RETREG1: variants seen among roughly 807,000 people sequenced by gnomAD.
The protein encoded by RETREG1 is reticulophagy regulator 1.
A neutral mutation model predicts 54.8 loss-of-function variants in RETREG1; 44 were observed. That is an observed-to-expected ratio of 0.80 (90% CI 0.63 to 1.03). RETREG1 has a LOEUF of 1.03. Among genes scored for constraint, RETREG1 ranks in the 50% least tolerant of loss-of-function variants. The pLI, the probability that RETREG1 is intolerant of heterozygous loss-of-function variation, is 0.00. For missense variants in RETREG1, 554 were observed against 605.1 expected, an observed-to-expected ratio of 0.92 and a Z score of 0.89; for synonymous variants, 217 against 238.5, an observed-to-expected ratio of 0.91 and a Z score of 0.83.
chr5:16,509,675 GATCTGCTTATTAAGAAACA>G (rs1309551584), intron 3 of RETREG1, among the ~76,000 whole-genome samples: 1 of 151,856 alleles, frequency 6.6e-6, no homozygotes, highest in Non-Finnish European at 1.5e-5. Flanking sequence ...CAGAAAGTAA[GATCTGCTTATTAAGAAACA>G]ATATTATTTT....
intron 3 of RETREG1, among the ~76,000 whole-genome samples, chr5:16,538,146 T>G (rs894248601): frequency 1.3e-5 from 2 of 152,106 alleles, no homozygotes; most frequent in African/African-American, 4.8e-5. Flanking sequence ...CTCCGAAATC[T>G]GACTCCCCAC....
At chr5:16,558,410 G>A (rs1287848488) in intron 3 of RETREG1, among the ~76,000 whole-genome samples, 1 of 152,196 alleles carries the variant, frequency 6.6e-6, no homozygotes, top group African/African-American at 2.4e-5. Flanking sequence ...TCAGCCTTCA[G>A]AACTATAAGC....
chr5:16,493,514 C>T (rs1244915949), intron 3 of RETREG1, among the ~76,000 whole-genome samples: 1 of 152,138 alleles, frequency 6.6e-6, no homozygotes, highest in Non-Finnish European at 1.5e-5. Context: ...CCCTGAAGGA[C>T]AGATAATATC....
In RETREG1 at chr5:16,555,995, G is replaced by A. The variant is rs115631823; in HGVS notation, c.458+9768C>T. 5.1e-3 allele frequency among the ~76,000 whole-genome samples: 782 copies of A among 152,016 alleles called. 8 individuals are homozygous for A. Among genetic ancestry groups the A allele is most frequent in the African/African-American group, 0.017 (718 of 41,480 alleles). ...TTCCATATTTATAAATGAACTTCACGCATTTCAAATCCATAATAACTCAGG... is the reference window on the plus strand; with the variant it reads ...TTCCATATTTATAAATGAACTTCACACATTTCAAATCCATAATAACTCAGG... On this transcript the variant is annotated intron_variant, in intron 3 of 8. Transcript: ENST00000306320.
chr5:16,551,106 A>G (rs1341438305), intron 3 of RETREG1, among the ~76,000 whole-genome samples: 2 of 148,174 alleles, frequency 1.3e-5, no homozygotes, highest in Non-Finnish European at 3.0e-5. Flanking sequence ...ATTTTTAAAA[A>G]TAACAACAAA....
chr5:16,478,389 T>C (rs779978710), intron 6 of RETREG1, among the ~76,000 whole-genome samples: 4 of 152,162 alleles, frequency 2.6e-5, no homozygotes, highest in Non-Finnish European at 4.4e-5. Context: ...ACCCTAGACC[T>C]ACTGAATCAG....
intron 3 of RETREG1, among the ~76,000 whole-genome samples, chr5:16,537,158 A>G (rs1335929961): frequency 6.6e-6 from 1 of 152,234 alleles, no homozygotes; most frequent in Admixed American, 6.5e-5. Flanking sequence ...CCCTGCACCA[A>G]GCACATAATA....
chr5:16,576,508 G>A (rs1350782114), intron 1 of RETREG1, among the ~76,000 whole-genome samples: 1 of 150,316 alleles, frequency 6.7e-6, no homozygotes, highest in African/African-American at 2.4e-5. Context: ...TTTTTGAGAC[G>A]GAGTTTCGCT....
At chr5:16,572,495 G>A (rs1742204323) in intron 1 of RETREG1, among the ~76,000 whole-genome samples, 2 of 152,194 alleles carry the variant, frequency 1.3e-5, no homozygotes, top group Non-Finnish European at 2.9e-5. Flanking sequence ...TTACAGGCGT[G>A]AGCCACTGTG....
At chr5:16,549,499 C>A (rs1741474284) in intron 3 of RETREG1, among the ~76,000 whole-genome samples, 1 of 152,134 alleles carries the variant, frequency 6.6e-6, no homozygotes, top group Non-Finnish European at 1.5e-5. Context: ...TTGGGATAGT[C>A]CTACTTTGAC....
At chr5:16,572,338 A>G (rs1316651600) in intron 1 of RETREG1, among the ~76,000 whole-genome samples, 1 of 151,674 alleles carries the variant, frequency 6.6e-6, no homozygotes, top group East Asian at 1.9e-4. Flanking sequence ...TCAGCTTCGC[A>G]AGTAGCTGGG....
chr5:16,539,005 A>T (rs1174074364), intron 3 of RETREG1, among the ~76,000 whole-genome samples: 1 of 152,354 alleles, frequency 6.6e-6, no homozygotes, highest in Non-Finnish European at 1.5e-5. Flanking sequence ...AATAAAACTG[A>T]GGCTAGGCTG....
chr5:16,541,899 G>A (rs1406523876), intron 3 of RETREG1, among the ~76,000 whole-genome samples: 3 of 152,050 alleles, frequency 2.0e-5, no homozygotes, highest in Non-Finnish European at 4.4e-5. Context: ...CTAAACAAGA[G>A]GTTTTAGTCT....
At chr5:16,540,925 C>T (rs528126945) in intron 3 of RETREG1, among the ~76,000 whole-genome samples, 33 of 152,078 alleles carry the variant, frequency 2.2e-4, no homozygotes, top group Non-Finnish European at 4.1e-4. Context: ...GCCAAGTAGA[C>T]GGGGAAAAGC....
chr5:16,516,248 T>A (rs1740352240), intron 3 of RETREG1, among the ~76,000 whole-genome samples: 1 of 152,178 alleles, frequency 6.6e-6, no homozygotes, highest in Admixed American at 6.5e-5. Context: ...AAAGACCCCT[T>A]CGAGGTAGAG....
At chr5:16,576,675 G>A (rs1313487432) in intron 1 of RETREG1, among the ~76,000 whole-genome samples, 1 of 152,064 alleles carries the variant, frequency 6.6e-6, no homozygotes, top group East Asian at 1.9e-4. Context: ...AGTAGAGACG[G>A]GGTCTCTCCA....
chr5:16,559,665 T>C (rs1241666756), intron 3 of RETREG1, among the ~76,000 whole-genome samples: 1 of 152,248 alleles, frequency 6.6e-6, no homozygotes, highest in Non-Finnish European at 1.5e-5. Flanking sequence ...TTTGAATGAT[T>C]TGTTGTATGT....
chr5:16,527,992 G>A (rs1057124885), intron 3 of RETREG1, among the ~76,000 whole-genome samples: 2 of 151,576 alleles, frequency 1.3e-5, no homozygotes, highest in East Asian at 1.9e-4. Flanking sequence ...TGTATTTTTA[G>A]TACAGACGGG....
chr5:16,574,285 CTG>C (rs1399993493), intron 1 of RETREG1, among the ~76,000 whole-genome samples: 4 of 152,118 alleles, frequency 2.6e-5, no homozygotes, highest in Admixed American at 1.3e-4. Context: ...TCAGGGAAGA[CTG>C]TGTCAAGCAG....
Sources: gnomAD v4.1 joint callset for allele counts (sites outside exome capture counted in the v4.1 genomes callset) on GRCh38, gnomAD v4.1.1 for gene constraint, MANE v1.5 for transcripts, NCBI Gene and HGNC (gene_info 2026-07-23, HGNC 2026-07-21) for gene names.